LARP1: variants seen among roughly 807,000 people sequenced by gnomAD.
LARP1 encodes the protein la-related protein 1.
In LARP1, 36 loss-of-function variants were observed where a neutral mutation model predicts 122.7. That is an observed-to-expected ratio of 0.29 (90% CI 0.22 to 0.39). The LOEUF is 0.39. LARP1 is among the 10% of genes least tolerant of loss of function. LARP1 has a pLI of 1.00. For synonymous variants in LARP1, 539 were observed against 528.7 expected, an observed-to-expected ratio of 1.02 and a Z score of -0.27; for missense variants, 1,040 against 1,403.6, an observed-to-expected ratio of 0.74 and a Z score of 4.14.
At chr5:154,769,036 G>A (rs996089841) in intron 1 of LARP1, among the ~76,000 whole-genome samples, 1 of 151,850 alleles carries the variant, frequency 6.6e-6, no homozygotes, top group Non-Finnish European at 1.5e-5. Context: ...ACTGGGTTTT[G>A]CCACACTGGC....
chr5:154,708,519 C>A (rs1191490932), upstream of LARP1, among the ~76,000 whole-genome samples: 1 of 152,212 alleles, frequency 6.6e-6, no homozygotes, highest in African/African-American at 2.4e-5. Flanking sequence ...TGCTCTGTGT[C>A]CATTTCCTCA....
chr5:154,740,085 A>C (rs1191314326), intron 1 of LARP1, among the ~76,000 whole-genome samples: 1 of 122,662 alleles, frequency 8.2e-6, no homozygotes, highest in African/African-American at 3.4e-5. Context: ...ACACACACAA[A>C]CATTAAAAAA....
intron 1 of LARP1, among the ~76,000 whole-genome samples, chr5:154,732,572 T>C (rs1240811886): frequency 1.3e-5 from 2 of 152,214 alleles, no homozygotes; most frequent in Non-Finnish European, 2.9e-5. Flanking sequence ...GTTATATTTG[T>C]TAGATATTGG....
intron 1 of LARP1, among the ~76,000 whole-genome samples, chr5:154,692,663 A>G (rs939549013): frequency 6.6e-6 from 1 of 152,144 alleles, no homozygotes; most frequent in African/African-American, 2.4e-5. Flanking sequence ...TTCGTCCTCT[A>G]TCTGCTCATC....
chr5:154,699,011 A>C (rs79013965), intron 1 of LARP1, among the ~76,000 whole-genome samples: 5,363 of 152,282 alleles, frequency 0.035, 221 homozygotes, highest in Admixed American at 0.1. Context: ...CTTTCGATAC[A>C]AGCTGTGGGA....
intron 1 of LARP1, among the ~76,000 whole-genome samples, chr5:154,684,028 A>G (rs970697657): frequency 6.6e-6 from 1 of 152,208 alleles, no homozygotes; most frequent in Non-Finnish European, 1.5e-5. Context: ...TTTTCGGGTC[A>G]TTGGAAACCT....
intron 1 of LARP1, among the ~76,000 whole-genome samples, chr5:154,703,645 G>A: frequency 6.6e-6 from 1 of 151,998 alleles, no homozygotes; most frequent in East Asian, 1.9e-4. Flanking sequence ...TTTTCAGATG[G>A]AATCTTGCTC....
At chr5:154,813,423 G>A (rs1759446854) in intron 18 of LARP1, among the ~76,000 whole-genome samples, 2 of 152,158 alleles carry the variant, frequency 1.3e-5, no homozygotes, top group Admixed American at 6.5e-5. Flanking sequence ...AGAATGAGGT[G>A]ATCCCCAGAA....
upstream of LARP1, among the ~76,000 whole-genome samples, chr5:154,752,815 T>G (rs2113520995): frequency 6.6e-6 from 1 of 151,776 alleles, no homozygotes; most frequent in African/African-American, 2.4e-5. Flanking sequence ...GGCGGGCGCC[T>G]GTAATTCCAG....
chr5:154,695,158 A>AT (rs762930258), intron 1 of LARP1, among the ~76,000 whole-genome samples: 13 of 152,012 alleles, frequency 8.6e-5, no homozygotes, highest in Non-Finnish European at 1.8e-4. Flanking sequence ...TACTAAAAAT[A>AT]CAAAAAATTA....
intron 15 of LARP1, 39 bp downstream of exon 15, chr5:154,806,071 C>A: frequency 6.2e-7 from 1 of 1,600,554 alleles, no homozygotes; most frequent in Non-Finnish European, 8.5e-7. Context: ...CCTCTGGGCC[C>A]GTTATTTAGA....
At chr5:154,768,370 G>A (rs1180672686) in intron 1 of LARP1, among the ~76,000 whole-genome samples, 1 of 152,188 alleles carries the variant, frequency 6.6e-6, no homozygotes, top group Non-Finnish European at 1.5e-5. Flanking sequence ...TGCGGCCATG[G>A]TGGGGCTTAT....
upstream of LARP1, among the ~76,000 whole-genome samples, chr5:154,755,205 T>C (rs1753737475): frequency 6.8e-6 from 1 of 147,210 alleles, no homozygotes; most frequent in African/African-American, 2.5e-5. Context: ...CGCGTAGCCG[T>C]GCGCGCGCCG....
intron 1 of LARP1, among the ~76,000 whole-genome samples, chr5:154,689,458 T>A (rs1478289314): frequency 2.1e-5 from 3 of 141,600 alleles, no homozygotes; most frequent in Non-Finnish European, 3.1e-5. Flanking sequence ...CTCAAAAAAA[T>A]AAAAAATAAA....
upstream of LARP1, among the ~76,000 whole-genome samples, chr5:154,711,532 C>G (rs1479616425): frequency 6.6e-6 from 1 of 152,082 alleles, no homozygotes; most frequent in Admixed American, 6.6e-5. Flanking sequence ...GCAGTGTAGG[C>G]TACCAGAATG....
chr5:154,710,120 G>C (rs115961470), upstream of LARP1, among the ~76,000 whole-genome samples: 949 of 152,222 alleles, frequency 6.2e-3, 10 homozygotes, highest in African/African-American at 0.022. Flanking sequence ...ATACAGACAA[G>C]GCTTTGGTGG....
chr5:154,732,745 C>T (rs527510394), intron 1 of LARP1, among the ~76,000 whole-genome samples: 2 of 151,224 alleles, frequency 1.3e-5, no homozygotes, highest in Admixed American at 1.3e-4. Flanking sequence ...AAACAATAGA[C>T]CTTGTCTCCA....
chr5:154,720,145 C>T (rs1452159937), intron 1 of LARP1, among the ~76,000 whole-genome samples: 8 of 151,680 alleles, frequency 5.3e-5, no homozygotes, highest in African/African-American at 1.2e-4. Flanking sequence ...GAGCTGAGAT[C>T]GCACCACTGC....
At chr5:154,729,419 G>C in intron 1 of LARP1, 1 of 369,208 alleles carries the variant, frequency 2.7e-6, no homozygotes, top group Non-Finnish European at 5.2e-6. Context: ...AGAGTCTACA[G>C]TGTTACCTAG....
Sources: gnomAD v4.1 joint callset for allele counts (sites outside exome capture counted in the v4.1 genomes callset) on GRCh38, gnomAD v4.1.1 for gene constraint, MANE v1.5 for transcripts, NCBI Gene and HGNC (gene_info 2026-07-23, HGNC 2026-07-21) for gene names.